The following PPARGC1A variants were observed in gnomAD, a reference collection of about 807,000 sequenced individuals.
PPARGC1A encodes the protein peroxisome proliferator-activated receptor gamma coactivator 1-alpha.
Under a neutral mutation model 88.7 loss-of-function variants are expected in PPARGC1A, and 25 were observed. The observed-to-expected ratio is 0.28, with a 90% CI of 0.21 to 0.39. PPARGC1A has a LOEUF of 0.39. Ranked by LOEUF, PPARGC1A falls within the 10% of genes least tolerant of loss-of-function variation. PPARGC1A has a pLI of 1.00. For missense variants in PPARGC1A, 880 were observed against 968.7 expected, an observed-to-expected ratio of 0.91 and a Z score of 1.22; for synonymous variants, 363 against 355.6, an observed-to-expected ratio of 1.02 and a Z score of -0.24.
intron 5 of PPARGC1A, 143 bp downstream of exon 5, chr4:23,828,257 G>T (rs566791172): frequency 8.4e-6 from 7 of 831,566 alleles, no homozygotes; most frequent in Admixed American, 5.2e-5. Context: ...TTCTTCCCCC[G>T]CTCTGTAATA....
At chr4:24,323,636 C>T in the PPARGC1A span, among the ~76,000 whole-genome samples, 1 of 152,200 alleles carries the variant, frequency 6.6e-6, no homozygotes, top group Non-Finnish European at 1.5e-5. Flanking sequence ...GGACTCAGCC[C>T]GCCTGCACCC....
chr4:24,446,402 T>C, the PPARGC1A span, among the ~76,000 whole-genome samples: 1 of 152,152 alleles, frequency 6.6e-6, no homozygotes, highest in Admixed American at 6.5e-5. Flanking sequence ...ATTCAAGTCT[T>C]TAGCCTGTTT....
chr4:23,812,808 T>C lies in PPARGC1A; in HGVS notation c.1958A>G (p.Glu653Gly). ...CCTCTCAGACTCTCGCTTCTCATAC[T>C]CTCTGCGATATTCTTCCCTCTTCAG... ...ERLKREEYRR[E>G]YEKRESERAK... The change falls in exon 10 of 13, where the codon GAG (glutamate) becomes GGG (glycine). Residue 653 changes from glutamate to glycine, a missense_variant. Glu to Gly is a moderately conservative substitution (Grantham distance 98, BLOSUM62 -2). Transcript: ENST00000264867. 1 of 1,614,050 alleles carries C rather than the reference T, an allele frequency of 6.2e-7. No individual in the cohort carries two copies. Among genetic ancestry groups the C allele is most frequent in the Non-Finnish European group, 8.5e-7 (1 of 1,180,006 alleles).
chr4:24,404,734 T>C, the PPARGC1A span, among the ~76,000 whole-genome samples: 1 of 152,310 alleles, frequency 6.6e-6, no homozygotes, highest in South Asian at 2.1e-4. Flanking sequence ...GGCTCGATGT[T>C]GCCAGATTTT....
chr4:24,038,723 C>T, the PPARGC1A span, among the ~76,000 whole-genome samples: 6 of 152,044 alleles, frequency 3.9e-5, no homozygotes, highest in Admixed American at 6.6e-5. Flanking sequence ...CCTCTTCAGT[C>T]GTGTTTATGA....
At chr4:23,873,971 G>A (rs1394860949) in intron 2 of PPARGC1A, among the ~76,000 whole-genome samples, 3 of 152,050 alleles carry the variant, frequency 2.0e-5, no homozygotes, top group Non-Finnish European at 4.4e-5. Context: ...GGGGAGAAAA[G>A]GAACCCATCA....
Position 23,813,041 on chromosome 4 carries a change from C to T in PPARGC1A, c.1878G>A (p.Ser626=), listed in dbSNP as rs568823760. ...ATTACCTGGGCCGACGGCTGTAGGG[C>T]GATCTTGAACGTGATCTCACATACA... is the stretch of plus-strand genomic sequence containing the variant. ...SPLYVRSRSR[S]PYSRRPRYDS... is the part of the protein sequence containing the mutation. Residue 626 remains serine (S), a synonymous_variant, in exon 9 of 13, where the codon TCG becomes TCA. Transcript: ENST00000264867. The T allele has an allele frequency of 1.5e-5, 25 of 1,613,996 alleles. No homozygotes were observed. The African/African-American group carries it at 2.4e-4, about 15-fold the overall frequency.
chr4:23,861,066 G>A (rs141964542), intron 2 of PPARGC1A, among the ~76,000 whole-genome samples: 2 of 152,256 alleles, frequency 1.3e-5, no homozygotes, highest in East Asian at 1.9e-4. Context: ...CGACCTCTAA[G>A]TACAACATAT....
At chr4:23,903,469 C>T (rs1386216043), upstream of PPARGC1A, among the ~76,000 whole-genome samples, 2 of 152,166 alleles carry the variant, frequency 1.3e-5, no homozygotes. Flanking sequence ...AACAATTCTA[C>T]TTTTACATAA....
the PPARGC1A span, among the ~76,000 whole-genome samples, chr4:24,081,351 G>A: frequency 1.3e-5 from 2 of 152,106 alleles, no homozygotes; most frequent in Non-Finnish European, 2.9e-5. Context: ...GCAAGAAGCT[G>A]ACTTGAGGGA....
At chr4:23,880,131 G>A (rs1469172557) in intron 2 of PPARGC1A, 1 of 152,078 alleles carries the variant, frequency 6.6e-6, no homozygotes, top group East Asian at 1.9e-4. Context: ...TCCTATGTAG[G>A]TACATACACA....
At chr4:24,425,018 GATTATGCAT>G in the PPARGC1A span, among the ~76,000 whole-genome samples, 1 of 152,182 alleles carries the variant, frequency 6.6e-6, no homozygotes, top group Non-Finnish European at 1.5e-5. Context: ...AATTTTCCCT[GATTATGCAT>G]ATAATTACAG....
At chr4:24,374,059 C>T in the PPARGC1A span, among the ~76,000 whole-genome samples, 3 of 152,290 alleles carry the variant, frequency 2.0e-5, no homozygotes, top group East Asian at 5.8e-4. Flanking sequence ...AAACCTCATA[C>T]AGGATGTCAT....
At chr4:24,146,290 C>T in the PPARGC1A span, among the ~76,000 whole-genome samples, 346 of 152,290 alleles carry the variant, frequency 2.3e-3, 3 homozygotes, top group African/African-American at 7.7e-3. Flanking sequence ...AAAGTACAGA[C>T]AGAACACATA....
At chr4:24,264,490 G>C in the PPARGC1A span, among the ~76,000 whole-genome samples, 3 of 152,260 alleles carry the variant, frequency 2.0e-5, no homozygotes, top group Non-Finnish European at 4.4e-5. Flanking sequence ...GAAGCATCAA[G>C]AGCCTTGGCA....
the PPARGC1A span, among the ~76,000 whole-genome samples, chr4:23,925,608 AGAAAAT>A: frequency 1.3e-5 from 2 of 152,210 alleles, no homozygotes; most frequent in African/African-American, 4.8e-5. Context: ...GGATGATGAG[AGAAAAT>A]GGAATGGATT....
chr4:24,191,786 A>T, the PPARGC1A span, among the ~76,000 whole-genome samples: 2 of 152,032 alleles, frequency 1.3e-5, no homozygotes, highest in African/African-American at 4.8e-5. Context: ...CCATCATGAG[A>T]ACAATAAGGC....
At chr4:23,832,704 G>A (rs896793547) in intron 2 of PPARGC1A, among the ~76,000 whole-genome samples, 1 of 151,104 alleles carries the variant, frequency 6.6e-6, no homozygotes, top group Non-Finnish European at 1.5e-5. Context: ...CCGCCTCCTG[G>A]GTTCAAGCCA....
At position 23,823,365 on chromosome 4, in the gene PPARGC1A, A is replaced by G. The variant is rs552611619; in HGVS notation, c.877+915T>C. Reference sequence around the variant, plus strand: ...GAAAGATGAATCAATAGACCCCCAAATAGTAAAAAATAAGCTTAAGGTAAA... The same window carrying G: ...GAAAGATGAATCAATAGACCCCCAAGTAGTAAAAAATAAGCTTAAGGTAAA... On this transcript the variant is annotated intron_variant, in intron 7 of 12. Coordinates refer to ENST00000264867, the MANE Select transcript of PPARGC1A (RefSeq NM_013261.5). Among the ~76,000 whole-genome samples the G allele has an allele frequency of 2.6e-5, 4 of 152,132 alleles. No homozygotes were observed. The South Asian group carries it at 8.3e-4, about 31-fold the overall frequency.
Sources: gnomAD v4.1 joint callset for allele counts (sites outside exome capture counted in the v4.1 genomes callset) on GRCh38, gnomAD v4.1.1 for gene constraint, MANE v1.5 for transcripts, NCBI Gene and HGNC (gene_info 2026-07-23, HGNC 2026-07-21) for gene names.